LOC128462377: variants seen among roughly 807,000 people sequenced by gnomAD.
chr16:89,341,897 T>TCCA, the LOC128462377 span, among the ~76,000 whole-genome samples: 547 of 136,528 alleles, frequency 4.0e-3, no homozygotes, highest in African/African-American at 0.015. Context: ...GTGCTGCACC[T>TCCA]CCACCCACAG....
At chr16:89,338,487 T>C in the LOC128462377 span, among the ~76,000 whole-genome samples, 1 of 150,272 alleles carries the variant, frequency 6.7e-6, no homozygotes, top group African/African-American at 2.5e-5. Context: ...CCCAGCACTT[T>C]GGGAGGCCGA....
At chr16:89,371,426 C>T in the LOC128462377 span, among the ~76,000 whole-genome samples, 8 of 152,200 alleles carry the variant, frequency 5.3e-5, 1 homozygote, top group South Asian at 6.2e-4. Flanking sequence ...TCCAGCTGCT[C>T]GGTGCATGGA....
chr16:89,327,147 C>A, the LOC128462377 span, among the ~76,000 whole-genome samples: 1 of 152,048 alleles, frequency 6.6e-6, no homozygotes, highest in African/African-American at 2.4e-5. Flanking sequence ...CTGATGACAG[C>A]GAAATATGTA....
the LOC128462377 span, among the ~76,000 whole-genome samples, chr16:89,409,436 G>A: frequency 1.3e-5 from 2 of 152,176 alleles, no homozygotes; most frequent in African/African-American, 4.8e-5. Flanking sequence ...TTTCCTGTGG[G>A]TCGTCTTGTG....
At chr16:89,378,702 C>A in the LOC128462377 span, among the ~76,000 whole-genome samples, 3 of 152,202 alleles carry the variant, frequency 2.0e-5, no homozygotes, top group African/African-American at 7.2e-5. Flanking sequence ...GTCTCAGCCT[C>A]CCGAGTAGCT....
chr16:89,332,623 T>C, the LOC128462377 span, among the ~76,000 whole-genome samples: 1 of 152,216 alleles, frequency 6.6e-6, no homozygotes, highest in Admixed American at 6.5e-5. Context: ...ATCCAAGTTA[T>C]CATCACTGTA....
At chr16:89,393,692 G>T in the LOC128462377 span, among the ~76,000 whole-genome samples, 5 of 151,898 alleles carry the variant, frequency 3.3e-5, no homozygotes, top group Admixed American at 6.6e-5. Flanking sequence ...GATTTGTAAG[G>T]GTTAGAAGGG....
the LOC128462377 span, among the ~76,000 whole-genome samples, chr16:89,350,609 A>T: frequency 6.6e-6 from 1 of 152,218 alleles, no homozygotes. Context: ...ACAGTGACCG[A>T]AAGCACATCA....
the LOC128462377 span, among the ~76,000 whole-genome samples, chr16:89,402,278 T>A: frequency 1.3e-5 from 2 of 152,098 alleles, no homozygotes; most frequent in South Asian, 4.1e-4. Context: ...CAGTTCTTTG[T>A]AGAAAGAACG....
chr16:89,368,371 G>GTTTTTTTTTT, the LOC128462377 span, among the ~76,000 whole-genome samples: 2 of 56,614 alleles, frequency 3.5e-5, no homozygotes, highest in Admixed American at 3.3e-4. Flanking sequence ...TAATTTTTGT[G>GTTTTTTTTTT]TTTTTTTTTT....
At chr16:89,389,889 T>C in the LOC128462377 span, among the ~76,000 whole-genome samples, 2 of 107,236 alleles carry the variant, frequency 1.9e-5, no homozygotes, top group South Asian at 3.6e-4. Context: ...ACACCGAGTG[T>C]GGCGGGGAGC....
the LOC128462377 span, among the ~76,000 whole-genome samples, chr16:89,327,228 A>G: frequency 1.3e-5 from 2 of 152,202 alleles, no homozygotes; most frequent in Non-Finnish European, 2.9e-5. Context: ...ACACCACATA[A>G]TCACAACTGG....
chr16:89,327,719 T>C, the LOC128462377 span, among the ~76,000 whole-genome samples: 3 of 151,956 alleles, frequency 2.0e-5, no homozygotes, highest in African/African-American at 7.3e-5. Context: ...GACAGTACCA[T>C]TTATAGGTGC....
chr16:89,392,562 T>C, the LOC128462377 span: 287 of 152,156 alleles, frequency 1.9e-3, no homozygotes, highest in Non-Finnish European at 1.4e-3. Context: ...CCAGGGTCCA[T>C]GCAGTTCAAG....
the LOC128462377 span, among the ~76,000 whole-genome samples, chr16:89,361,880 C>T: frequency 0.015 from 2,260 of 152,270 alleles, 64 homozygotes; most frequent in African/African-American, 0.051. Flanking sequence ...ACCTTCAAAA[C>T]AGCATGCCTG....
the LOC128462377 span, chr16:89,395,963 A>G: frequency 2.6e-5 from 4 of 152,228 alleles, no homozygotes; most frequent in East Asian, 1.9e-4. Flanking sequence ...CACACCAGAC[A>G]CAGCGGCCTC....
At chr16:89,358,585 T>C in the LOC128462377 span, among the ~76,000 whole-genome samples, 1 of 152,220 alleles carries the variant, frequency 6.6e-6, no homozygotes, top group Non-Finnish European at 1.5e-5. Context: ...CATTCATCTA[T>C]GTACTCACAA....
At chr16:89,385,493 G>A in the LOC128462377 span, among the ~76,000 whole-genome samples, 2 of 152,034 alleles carry the variant, frequency 1.3e-5, no homozygotes, top group African/African-American at 4.8e-5. Context: ...CGGGCAGAGG[G>A]AAGGGCGCCA....
chr16:89,410,833 G>A, the LOC128462377 span, among the ~76,000 whole-genome samples: 2 of 152,220 alleles, frequency 1.3e-5, no homozygotes, highest in Non-Finnish European at 2.9e-5. Context: ...AGGGGGTGGG[G>A]AGTGGCCAAC....
Sources: allele counts gnomAD v4.1 joint callset (sites outside exome capture counted in the v4.1 genomes callset), GRCh38; gene constraint gnomAD v4.1.1; transcripts MANE v1.5.